The following DYTN variants were observed in gnomAD, a reference collection of about 807,000 sequenced individuals.
DYTN encodes the protein dystrotelin.
DYTN carries 75 observed loss-of-function variants against 69.6 expected under a neutral mutation model. That is an observed-to-expected ratio of 1.08 (90% CI 0.89 to 1.31). DYTN has a LOEUF of 1.31. Ranked by LOEUF, DYTN falls within the 50% of genes most tolerant of loss-of-function variation. The pLI is 0.00. For missense variants in DYTN, 726 were observed against 688.4 expected, an observed-to-expected ratio of 1.05 and a Z score of -0.61; for synonymous variants, 252 against 249.1, an observed-to-expected ratio of 1.01 and a Z score of -0.11.
At chr2:206,688,693 C>T (rs75399646) in intron 9 of DYTN, among the ~76,000 whole-genome samples, 3,213 of 152,204 alleles carry the variant, frequency 0.021, 122 homozygotes, top group African/African-American at 0.073. Flanking sequence ...CAAAAATCAG[C>T]TATTAATTTT....
At chr2:206,702,002 A>G (rs1177027588) in intron 5 of DYTN, among the ~76,000 whole-genome samples, 1 of 152,242 alleles carries the variant, frequency 6.6e-6, no homozygotes, top group Non-Finnish European at 1.5e-5. Flanking sequence ...GCAAGTTAGC[A>G]GCAGAATTGG....
At chr2:206,705,692 C>G in intron 4 of DYTN, 96 bp downstream of exon 4, 1 of 1,039,196 alleles carries the variant, frequency 9.6e-7, no homozygotes, top group Non-Finnish European at 1.4e-6. Context: ...ATGCTGAGTA[C>G]ATGCTGAAGA....
At position 206,679,512 on chromosome 2, in the gene DYTN, G is replaced by A. The variant is rs377393311; in HGVS notation, c.981-13483C>T. ...ATAAATGCAGGTATGTGTTTATCAC[G>A]TCAAATCTGAAAGAACATATAATAT... On this transcript the variant is annotated intron_variant, in intron 9 of 11. Transcript: ENST00000452335. Among the ~76,000 whole-genome samples, 7 of 152,268 alleles carry A rather than the reference G, an allele frequency of 4.6e-5. No homozygotes were observed. In the East Asian group the frequency reaches 7.7e-4, roughly 17 times the overall value.
intron 9 of DYTN, among the ~76,000 whole-genome samples, chr2:206,690,617 C>G (rs1263025460): frequency 6.6e-6 from 1 of 152,164 alleles, no homozygotes; most frequent in East Asian, 1.9e-4. Flanking sequence ...GAGTTCAAAT[C>G]TATTTTGAAG....
At chr2:206,714,298 G>C (rs990345922) in intron 1 of DYTN, among the ~76,000 whole-genome samples, 1 of 152,188 alleles carries the variant, frequency 6.6e-6, no homozygotes, top group Non-Finnish European at 1.5e-5. Context: ...CACCTCCCGG[G>C]TTCATGCCAA....
At chr2:206,659,500 A>C (rs1699485315) in intron 11 of DYTN, among the ~76,000 whole-genome samples, 1 of 150,692 alleles carries the variant, frequency 6.6e-6, no homozygotes, top group African/African-American at 2.4e-5. Context: ...AAAAAAAAAA[A>C]AAAAAAAAAA....
chr2:206,695,819 C>A (rs6750799), intron 7 of DYTN, among the ~76,000 whole-genome samples: 11,992 of 152,208 alleles, frequency 0.079, 1,647 homozygotes, highest in African/African-American at 0.27. Context: ...AACCAGGCAG[C>A]AGCTACTCCT....
intron 4 of DYTN, 55 bp downstream of exon 4, chr2:206,705,733 T>G (rs1574603065): frequency 6.6e-7 from 1 of 1,525,350 alleles, no homozygotes; most frequent in Non-Finnish European, 9.0e-7. Flanking sequence ...GGATAACAGG[T>G]TGGGGATTTG....
At chr2:206,693,920 C>T (rs1464501571) in intron 8 of DYTN, among the ~76,000 whole-genome samples, 1 of 152,186 alleles carries the variant, frequency 6.6e-6, no homozygotes, top group African/African-American at 2.4e-5. Context: ...GATCCTAGGC[C>T]TGTGAACCTG....
Position 206,699,814 on chromosome 2 carries a change from G to C in DYTN, c.632C>G (p.Pro211Arg). Reference protein sequence around the residue: ...QSEPPILLWLPTCHRLSAAER... With the variant: ...QSEPPILLWLRTCHRLSAAER... ...AGCAGCTGATAACCGGTGGCAGGTCGGGAGCCACAGGAGGATGGGAGGCTC... is the reference window on the plus strand; with the variant it reads ...AGCAGCTGATAACCGGTGGCAGGTCCGGAGCCACAGGAGGATGGGAGGCTC... Residue 211 changes from proline to arginine, a missense_variant, in exon 7 of 12, where the codon CCG (proline) becomes CGG (arginine). Physicochemically the swap from Pro to Arg is moderately radical, Grantham distance 103. Coordinates refer to ENST00000452335, the MANE Select transcript of DYTN (RefSeq NM_001093730.1). 1 of 1,613,820 alleles carries C rather than the reference G, an allele frequency of 6.2e-7. No homozygotes were observed. Among genetic ancestry groups the C allele is most frequent in the South Asian group, 1.1e-5 (1 of 91,074 alleles).
chr2:206,698,041 T>G (rs1445288058), intron 7 of DYTN, among the ~76,000 whole-genome samples: 1 of 152,228 alleles, frequency 6.6e-6, no homozygotes, highest in African/African-American at 2.4e-5. Flanking sequence ...AGGGCAGGAC[T>G]TGCAGTAACT....
In DYTN at chr2:206,683,867, C is replaced by T. The variant is rs530755104; in HGVS notation, c.980+9308G>A. On this transcript the variant is annotated intron_variant, in intron 9 of 11. Coordinates refer to ENST00000452335, the MANE Select transcript of DYTN (RefSeq NM_001093730.1). Reference sequence around the variant, plus strand: ...CCCTCACTTCCTTCAAAACTTTGATCAAATGTCACCTCTCACTGAGGTCCG... The same window carrying T: ...CCCTCACTTCCTTCAAAACTTTGATTAAATGTCACCTCTCACTGAGGTCCG... Among the ~76,000 whole-genome samples, 4 of 152,078 alleles carry T rather than the reference C, an allele frequency of 2.6e-5. 1 individual carries two copies. The South Asian group carries it at 8.3e-4, about 32-fold the overall frequency.
chr2:206,698,832 T>C (rs181846106), intron 7 of DYTN, among the ~76,000 whole-genome samples: 23 of 152,354 alleles, frequency 1.5e-4, no homozygotes, highest in Non-Finnish European at 2.9e-5. Context: ...TCATGAATGC[T>C]GATGATCTCT....
rs1274872967 is a variant in DYTN at position 206,718,267 on chromosome 2, T to C, written c.13A>G (p.Lys5Glu). 1.9e-6 allele frequency: 3 copies of C among 1,599,660 alleles called. No individual in the cohort carries two copies. Among genetic ancestry groups the C allele is most frequent in the African/African-American group, 2.7e-5 (2 of 74,504 alleles). MDPD[K>E]QDALNSIENS... ...ACTTGACAATAATACTCACCTTGTT[T>C]ATCTGGATCCATTTCACAAATTTCC... Residue 5 changes from lysine to glutamate, a missense_variant, in exon 1 of 12, where the codon AAA becomes GAA. Physicochemically the swap from Lys to Glu is moderately conservative, Grantham distance 56. Coordinates refer to ENST00000452335, the MANE Select transcript of DYTN (RefSeq NM_001093730.1).
chr2:206,668,383 A>G (rs920517456), intron 9 of DYTN, among the ~76,000 whole-genome samples: 1 of 152,168 alleles, frequency 6.6e-6, no homozygotes, highest in African/African-American at 2.4e-5. Flanking sequence ...GCTTCTTTTT[A>G]AAGAAGAGAT....
chr2:206,717,427 C>T (rs1700140282), intron 1 of DYTN, among the ~76,000 whole-genome samples: 1 of 152,150 alleles, frequency 6.6e-6, no homozygotes, highest in African/African-American at 2.4e-5. Context: ...CATTCCTGGA[C>T]TCTTCCCAGA....
chr2:206,680,270 TACTC>T (rs1279300945), intron 9 of DYTN, among the ~76,000 whole-genome samples: 1 of 152,100 alleles, frequency 6.6e-6, no homozygotes, highest in South Asian at 2.1e-4. Context: ...TTATGAGACT[TACTC>T]ACTATTATGA....
chr2:206,660,529 A>G (rs1486659882), intron 11 of DYTN, among the ~76,000 whole-genome samples: 1 of 152,236 alleles, frequency 6.6e-6, no homozygotes, highest in Non-Finnish European at 1.5e-5. Context: ...AATACGCTAA[A>G]GACTAAAAAA....
At chr2:206,690,186 G>A (rs934650413) in intron 9 of DYTN, among the ~76,000 whole-genome samples, 5 of 152,150 alleles carry the variant, frequency 3.3e-5, no homozygotes, top group East Asian at 1.9e-4. Context: ...CAAAGACCTC[G>A]GCAGGTCTTT....
Sources: allele counts gnomAD v4.1 joint callset (sites outside exome capture counted in the v4.1 genomes callset), GRCh38; gene constraint gnomAD v4.1.1; transcripts MANE v1.5; gene names NCBI Gene and HGNC (gene_info 2026-07-23, HGNC 2026-07-21).